The following PCDHA1 variants were observed in gnomAD, a reference collection of about 807,000 sequenced individuals.
The protein encoded by PCDHA1 is protocadherin alpha 1.
Under a neutral mutation model 61.3 loss-of-function variants are expected in PCDHA1, and 42 were observed. The ratio of observed to expected loss-of-function variants is 0.69; its 90% CI spans 0.54 to 0.89. The LOEUF is 0.89. PCDHA1 is among the 40% of genes least tolerant of loss of function. The pLI is 0.00. For synonymous variants in PCDHA1, 610 were observed against 553.8 expected (o/e 1.10, Z -1.43); for missense variants, 1,256 against 1,235.3 (o/e 1.02, Z -0.25).
intron 1 of PCDHA1, chr5:140,866,939 C>A (rs2049664187): frequency 6.6e-6 from 1 of 152,126 alleles, no homozygotes; most frequent in Admixed American, 6.6e-5. Context: ...ATAATCTCTT[C>A]ACTAGGGGCT....
chr5:140,967,757 T>C, intron 1 of PCDHA1: 1 of 1,614,216 alleles, frequency 6.2e-7, no homozygotes, highest in Non-Finnish European at 8.5e-7. Flanking sequence ...AGCCTCCTCC[T>C]ACCAGATCTA....
intron 3 of PCDHA1, among the ~76,000 whole-genome samples, chr5:141,004,019 A>G (rs2098147783): frequency 6.6e-6 from 1 of 152,244 alleles, no homozygotes; most frequent in South Asian, 2.1e-4. Flanking sequence ...CACTGAAAGA[A>G]GAAACATTTC....
At chr5:140,884,794 A>G in intron 1 of PCDHA1, 1 of 1,280,100 alleles carries the variant, frequency 7.8e-7, no homozygotes, top group East Asian at 2.6e-5. Flanking sequence ...TTGTTATCGA[A>G]TTTAACAACT....
chr5:140,791,682 C>T (rs1554118699), intron 1 of PCDHA1, among the ~76,000 whole-genome samples: 1 of 152,034 alleles, frequency 6.6e-6, no homozygotes, highest in Non-Finnish European at 1.5e-5. Context: ...AACTTGAATT[C>T]CATGGAAAAA....
intron 1 of PCDHA1, among the ~76,000 whole-genome samples, chr5:140,818,625 C>T (rs1282616464): frequency 6.6e-6 from 1 of 152,102 alleles, no homozygotes; most frequent in Non-Finnish European, 1.5e-5. Flanking sequence ...TTGCTTGAGC[C>T]CAGGAGTTCA....
intron 1 of PCDHA1, chr5:140,870,427 G>T: frequency 1.9e-6 from 3 of 1,614,220 alleles, no homozygotes; most frequent in Non-Finnish European, 2.5e-6. Context: ...CAGGGTATCC[G>T]TGGAGGTGGC....
rs140697336 is a variant in PCDHA1 at position 140,835,530 on chromosome 5, G to C, written c.2394+46846G>C. On this transcript the variant is annotated intron_variant, in intron 1 of 3. Transcript: ENST00000504120. ...GTTTGACCGAGATTTTGGAGTCAAC[G>C]GACAGGTTACCTGCTCCCTGACGCC... 1.3e-4 allele frequency: 204 copies of C among 1,613,820 alleles called. 2 individuals carry two copies. The highest frequency in any genetic ancestry group is 2.2e-4 in the Admixed American group (13 of 59,990).
intron 3 of PCDHA1, among the ~76,000 whole-genome samples, chr5:140,986,669 G>C (rs1448376850): frequency 6.6e-6 from 1 of 152,138 alleles, no homozygotes; most frequent in African/African-American, 2.4e-5. Flanking sequence ...ACAGTTTTCA[G>C]AAGAGTTCAG....
At chr5:140,840,358 G>A (rs1180450322) in intron 1 of PCDHA1, among the ~76,000 whole-genome samples, 1 of 151,928 alleles carries the variant, frequency 6.6e-6, no homozygotes, top group East Asian at 1.9e-4. Flanking sequence ...AGGTAAAAAT[G>A]TCAGGTAGAA....
At chr5:140,871,294 T>C in intron 1 of PCDHA1, 1 of 1,613,852 alleles carries the variant, frequency 6.2e-7, no homozygotes, top group Non-Finnish European at 8.5e-7. Context: ...TGAGGGCGCG[T>C]GCGCGCCGGG....
At chr5:140,793,485 GA>G (rs1206594545) in intron 1 of PCDHA1, among the ~76,000 whole-genome samples, 1 of 152,112 alleles carries the variant, frequency 6.6e-6, no homozygotes, top group Non-Finnish European at 1.5e-5. Context: ...ATTGTTATTG[GA>G]AAAAAAGCTA....
At chr5:140,909,709 A>G (rs2153511702) in intron 1 of PCDHA1, among the ~76,000 whole-genome samples, 1 of 152,294 alleles carries the variant, frequency 6.6e-6, no homozygotes, top group Non-Finnish European at 1.5e-5. Context: ...GCTGCTAAGT[A>G]TACCTATGCC....
At chr5:141,002,312 C>T (rs1171531371) in intron 3 of PCDHA1, among the ~76,000 whole-genome samples, 1 of 152,230 alleles carries the variant, frequency 6.6e-6, no homozygotes, top group East Asian at 1.9e-4. Flanking sequence ...GGGGCCGAAA[C>T]CTGGAGGCCG....
chr5:140,846,555 T>C (rs1780556402), intron 1 of PCDHA1, among the ~76,000 whole-genome samples: 1 of 148,312 alleles, frequency 6.7e-6, no homozygotes, highest in Non-Finnish European at 1.5e-5. Flanking sequence ...TTTGTATTTT[T>C]AGTAGAGTCG....
intron 1 of PCDHA1, among the ~76,000 whole-genome samples, chr5:140,846,706 T>C (rs1780634122): frequency 6.7e-6 from 1 of 149,360 alleles, no homozygotes. Context: ...GAGAAGATTG[T>C]AATAACCAGT....
Position 140,841,535 on chromosome 5 carries a change from C to G in PCDHA1, c.2394+52851C>G, listed in dbSNP as rs146057065. ...GTTCCGGGTGGCGTCCAAAAGACAC[C>G]GGGACCTTCTGGAGGTAAGTCTGCA... On this transcript the variant is annotated intron_variant, in intron 1 of 3. Transcript: ENST00000504120. 2.9e-4 allele frequency: 467 copies of G among 1,613,646 alleles called. 2 individuals are homozygous for G. The highest frequency in any genetic ancestry group is 2.5e-4 in the Admixed American group (15 of 60,006).
At chr5:140,966,755 C>A in intron 1 of PCDHA1, 1 of 1,434,520 alleles carries the variant, frequency 7.0e-7, no homozygotes, top group South Asian at 1.5e-5. Context: ...GCCTCCGCCG[C>A]GGCCAGTGGC....
At chr5:140,848,272 A>G (rs1781411932) in intron 1 of PCDHA1, 2 of 538,068 alleles carry the variant, frequency 3.7e-6, no homozygotes, top group Non-Finnish European at 6.6e-6. Context: ...TATTCATGAA[A>G]TATGTACTTA....
rs1432649344 is a variant in PCDHA1, at chr5:140,870,194, C to T, written c.2394+81510C>T. ...CTCCCAGTACGAGAGGACGCTCAGC[C>T]CAGCACGGTCATTGCCCTGATCAGC... On this transcript the variant is annotated intron_variant, in intron 1 of 3. Transcript: ENST00000504120. 5.0e-6 allele frequency: 8 copies of T among 1,614,050 alleles called. No homozygotes were observed. Among genetic ancestry groups the T allele is most frequent in the Non-Finnish European group, 5.9e-6 (7 of 1,180,054 alleles).
Sources: allele counts gnomAD v4.1 joint callset (sites outside exome capture counted in the v4.1 genomes callset), GRCh38; gene constraint gnomAD v4.1.1; transcripts MANE v1.5; gene names NCBI Gene and HGNC (gene_info 2026-07-23, HGNC 2026-07-21).